Variants in PRKDC observed in about 807,000 individuals in gnomAD.
PRKDC encodes the protein protein kinase, DNA-activated, catalytic subunit, also known as DNA-dependent protein kinase catalytic subunit.
A neutral mutation model predicts 486.9 loss-of-function variants in PRKDC; 82 were observed. The ratio of observed to expected loss-of-function variants is 0.17; its 90% confidence interval spans 0.14 to 0.20. The LOEUF (loss-of-function observed/expected upper bound fraction) is 0.20, where lower values mean the gene tolerates loss of function less well. PRKDC is among the 10% of genes least tolerant of loss of function. PRKDC has a pLI of 1.00. For synonymous variants in PRKDC, 1,895 were observed against 1,837.0 expected, an observed-to-expected ratio of 1.03 and a Z score of -0.81; for missense variants, 4,504 against 5,038.2, an observed-to-expected ratio of 0.89 and a Z score of 3.21.
At chr8:47,896,686 A>T (rs1563791585) in intron 30 of PRKDC, among the ~76,000 whole-genome samples, 2 of 151,658 alleles carry the variant, frequency 1.3e-5, no homozygotes, top group African/African-American at 4.8e-5. Context: ...ACTTTTGCCA[A>T]GGAACCAGCA....
chr8:47,881,973 G>A lies in PRKDC; in HGVS notation c.4901C>T (p.Ala1634Val). ...TTTAGTTTCGAGAGGGGAATCTTTG[G>A]CCCACCATGAATCACACTTCTTCCA... ...QHWKKCDSWW[A>V]KDSPLETKMA... Residue 1634 changes from alanine (A) to valine (V), a missense_variant, in exon 37 of 86, where the codon GCC becomes GTC. Physicochemically the swap from Ala to Val is moderately conservative, Grantham distance 64 (BLOSUM62 0). Coordinates refer to ENST00000314191, the MANE Select transcript of PRKDC (RefSeq NM_006904.7). 1 of 1,613,864 alleles carries A rather than the reference G, an allele frequency of 6.2e-7. No individual in the cohort carries two copies. The highest frequency in any genetic ancestry group is 8.5e-7 in the Non-Finnish European group (1 of 1,179,840).
intron 7 of PRKDC, among the ~76,000 whole-genome samples, chr8:47,952,868 G>A (rs1400939381): frequency 2.7e-5 from 4 of 150,362 alleles, no homozygotes; most frequent in African/African-American, 4.9e-5. Flanking sequence ...GGCCGGGTGC[G>A]GTGGCTCATG....
chr8:47,918,929 A>C (rs949936906), intron 21 of PRKDC, among the ~76,000 whole-genome samples: 1 of 152,104 alleles, frequency 6.6e-6, no homozygotes, highest in Non-Finnish European at 1.5e-5. Context: ...GAACAAGACT[A>C]TTTACAGTGT....
chr8:47,774,745 T>A (rs2086574073), intron 85 of PRKDC, among the ~76,000 whole-genome samples: 1 of 152,092 alleles, frequency 6.6e-6, no homozygotes, highest in African/African-American at 2.4e-5. Context: ...CTTCTCTACA[T>A]CCTCAACACT....
At chr8:47,955,811 T>G in intron 4 of PRKDC, 63 bp downstream of exon 4, 1 of 1,342,806 alleles carries the variant, frequency 7.4e-7, no homozygotes, top group Non-Finnish European at 1.0e-6. Flanking sequence ...AACTCAAAAC[T>G]CTGATTTTCT....
chr8:47,797,160 C>T (rs1401554181), intron 73 of PRKDC, among the ~76,000 whole-genome samples: 1 of 152,194 alleles, frequency 6.6e-6, no homozygotes, highest in Non-Finnish European at 1.5e-5. Context: ...TCAGTCCACA[C>T]AGCTCATGTA....
At chr8:47,834,458 G>C in intron 58 of PRKDC, 62 bp from the exon 59 acceptor site, 3 of 1,555,420 alleles carry the variant, frequency 1.9e-6, no homozygotes, top group Non-Finnish European at 2.6e-6. Flanking sequence ...CACGGGGCAG[G>C]ACCACCTGCC....
chr8:47,916,892 C>G (rs1321250576), intron 22 of PRKDC, among the ~76,000 whole-genome samples: 2 of 152,132 alleles, frequency 1.3e-5, no homozygotes, highest in Non-Finnish European at 2.9e-5. Flanking sequence ...TAGCTTTGGC[C>G]TTGCACCCTG....
intron 41 of PRKDC, 120 bp downstream of exon 41, chr8:47,864,436 A>C (rs2088755951): frequency 2.3e-6 from 2 of 863,980 alleles, no homozygotes. Flanking sequence ...GTAGCCACAG[A>C]CTGTTATGTG....
In PRKDC at chr8:47,900,390, G is replaced by T; in HGVS notation, c.3347C>A (p.Ala1116Glu). Residue 1116 changes from alanine (A) to glutamate (E), a missense_variant, in exon 28 of 86, where the codon GCA becomes GAA. Ala to Glu is a moderately radical substitution (Grantham distance 107). Transcript: ENST00000314191. ...IYMESLALAH[A>E]DEKSLGTIQQ... ...AAACGTACCTAAGGACTTCTCATCT[G>T]CATGTGCTAAGGCCAGACTCTCCAT... The T allele has an allele frequency of 3.1e-6, 5 of 1,608,880 alleles. No individual in the cohort carries two copies. The highest frequency in any genetic ancestry group is 4.2e-6 in the Non-Finnish European group (5 of 1,177,950).
chr8:47,863,177 T>C (rs2088717022), intron 42 of PRKDC, among the ~76,000 whole-genome samples: 1 of 152,134 alleles, frequency 6.6e-6, no homozygotes, highest in African/African-American at 2.4e-5. Context: ...AAGGAAAAAG[T>C]TTTATTATTT....
chr8:47,933,137 C>A lies in PRKDC; in HGVS notation c.1659G>T (p.Val553=). 1 of 1,549,306 alleles carries A rather than the reference C, an allele frequency of 6.5e-7. No homozygotes were observed. ...GATTCAGACTTTCACTGGAGGAATT[C>A]ACAGAGAAAAATGCTTCATCTGCTA... The part of the protein sequence containing the change: ...SILADEAFFS[V]NSSSESLNHL... The change falls in exon 16 of 86, where the codon GTG becomes GTT. Residue 553 remains valine, a synonymous_variant. Transcript: ENST00000314191.
At chr8:47,883,957 C>T (rs1489444601) in intron 36 of PRKDC, among the ~76,000 whole-genome samples, 3 of 152,228 alleles carry the variant, frequency 2.0e-5, no homozygotes, top group Non-Finnish European at 4.4e-5. Context: ...GTCACTGACC[C>T]AGCTGGCTAT....
chr8:47,825,693 C>A (rs1364718294), intron 63 of PRKDC, among the ~76,000 whole-genome samples: 4 of 152,052 alleles, frequency 2.6e-5, no homozygotes, highest in Non-Finnish European at 5.9e-5. Flanking sequence ...TTTACCACTC[C>A]TGGAAATAGT....
chr8:47,879,491 C>T lies in PRKDC; in HGVS notation c.5235G>A (p.Lys1745=), dbSNP rs763136358. Residue 1745 remains lysine, a splice_region_variant and synonymous_variant, in exon 39 of 86, where the codon AAG becomes AAA. Transcript: ENST00000314191. The stretch of plus-strand genomic sequence containing the variant: ...TTACTTGATACTACTAGAAACTAAC[C>T]TTTTTCATGCAGTCCACATAATTAT... The part of the protein sequence containing the change: ...RFNNYVDCMK[K]FLDALELSQS... 1.3e-6 allele frequency: 2 copies of T among 1,562,760 alleles called. No homozygotes were observed. The highest frequency in any genetic ancestry group is 1.7e-6 in the Non-Finnish European group (2 of 1,153,196).
At chr8:47,932,932 C>T in intron 16 of PRKDC, 88 bp downstream of exon 16, 2 of 1,220,862 alleles carry the variant, frequency 1.6e-6, no homozygotes, top group Non-Finnish European at 2.2e-6. Context: ...TTCTCCTCTA[C>T]AAATGTGCTA....
intron 81 of PRKDC, 51 bp downstream of exon 81, chr8:47,778,953 T>A (rs941239206): frequency 2.0e-6 from 3 of 1,474,654 alleles, no homozygotes; most frequent in Non-Finnish European, 2.8e-6. Flanking sequence ...AACATGCAAT[T>A]TGCAGAAGAA....
chr8:47,803,377 C>T lies in PRKDC; in HGVS notation c.9851G>A (p.Ser3284Asn). 1 of 1,614,032 alleles carries T rather than the reference C, an allele frequency of 6.2e-7. No individual in the cohort carries two copies. Among genetic ancestry groups the T allele is most frequent in the South Asian group, 1.1e-5 (1 of 91,086 alleles). Residue 3284 changes from serine to asparagine, a missense_variant, in exon 70 of 86, where the codon AGC becomes AAC. Around this residue, in one of 6 missense-constraint regions of PRKDC, gnomAD observed 1,592 missense variants for 1,724.6 expected, o/e 0.92. Transcript: ENST00000314191. ...VSWVQSYCRL[S>N]HCRSRSQGCS... ...GCCCTGGGACCGGCTCCGGCAGTGG[C>T]TCAGGCGGCAGTAGCTCTGCACCCA...
rs1326428388 is a variant in PRKDC, at chr8:47,828,288, C to G, written c.8457G>C (p.Glu2819Asp). 4 of 1,605,894 alleles carry G rather than the reference C, an allele frequency of 2.5e-6. No homozygotes were observed. Among genetic ancestry groups the G allele is most frequent in the Non-Finnish European group, 8.5e-7 (1 of 1,176,270 alleles). ...CAGACAGTGTCTTAAATTTATCCATCTCTTTCAAAATTCCAGAAAACAAGC... is the reference window on the plus strand; with the variant it reads ...CAGACAGTGTCTTAAATTTATCCATGTCTTTCAAAATTCCAGAAAACAAGC... Reference protein sequence around the residue: ...FSSLFSGILKEMDKFKTLSEK... With the variant: ...FSSLFSGILKDMDKFKTLSEK... The change falls in exon 62 of 86, where the codon GAG becomes GAC. Residue 2819 changes from glutamate (E) to aspartate (D), a missense_variant. By Grantham distance (45) the Glu-to-Asp change is conservative. Around this residue, in one of 6 missense-constraint regions of PRKDC, gnomAD observed 1,592 missense variants for 1,724.6 expected, o/e 0.92. Transcript: ENST00000314191.
Sources: allele counts gnomAD v4.1 joint callset (sites outside exome capture counted in the v4.1 genomes callset), GRCh38; gene constraint gnomAD v4.1.1; regional missense constraint gnomAD v4.1.1; transcripts MANE v1.5; gene names NCBI Gene and HGNC (gene_info 2026-07-23, HGNC 2026-07-21).